The following KIF6 variants were observed in gnomAD, a reference collection of about 807,000 sequenced individuals.
KIF6 encodes kinesin family member 6, also known as kinesin-like protein KIF6.
Under a neutral mutation model 112.7 loss-of-function variants are expected in KIF6, and 106 were observed. The ratio of observed to expected loss-of-function variants is 0.94; its 90% CI spans 0.80 to 1.11. The LOEUF is 1.11. KIF6 is among the 50% of genes least tolerant of loss of function. The pLI is 0.00. For synonymous variants in KIF6, 339 were observed against 339.9 expected, an observed-to-expected ratio of 1.00 and a Z score of 0.03; for missense variants, 929 against 964.0, an observed-to-expected ratio of 0.96 and a Z score of 0.48.
chr6:39,634,448 A>G (rs1784518367), intron 5 of KIF6, among the ~76,000 whole-genome samples: 2 of 152,164 alleles, frequency 1.3e-5, no homozygotes, highest in African/African-American at 4.8e-5. Flanking sequence ...TCTCTGTCTC[A>G]GATTCTCTTA....
chr6:39,562,332 G>C (rs1355321611), intron 10 of KIF6, among the ~76,000 whole-genome samples: 3 of 152,088 alleles, frequency 2.0e-5, no homozygotes, highest in East Asian at 3.9e-4. Flanking sequence ...ATGAAAAGGG[G>C]GATACGTTTT....
chr6:39,339,494 T>C (rs1339760896), intron 22 of KIF6, among the ~76,000 whole-genome samples: 1 of 152,124 alleles, frequency 6.6e-6, no homozygotes, highest in Non-Finnish European at 1.5e-5. Context: ...TGAGTGGGGC[T>C]GGAGGGCTGG....
intron 11 of KIF6, 105 bp downstream of exon 11, chr6:39,545,478 G>T: frequency 1.5e-6 from 1 of 683,252 alleles, no homozygotes; most frequent in East Asian, 2.7e-5. Flanking sequence ...TTCTGGACAT[G>T]CAATGCTGGA....
chr6:39,552,168 C>G (rs11753942), intron 10 of KIF6, among the ~76,000 whole-genome samples: 3,408 of 152,228 alleles, frequency 0.022, 65 homozygotes, highest in Non-Finnish European at 0.033. Context: ...AAAGATGTAA[C>G]TGGAAATGTT....
intron 15 of KIF6, among the ~76,000 whole-genome samples, chr6:39,391,959 A>ATATG (rs1554206723): frequency 5.9e-5 from 9 of 151,358 alleles, no homozygotes; most frequent in Non-Finnish European, 1.2e-4. Context: ...ATATATATAT[A>ATATG]TGTGTGTGTG....
intron 15 of KIF6, among the ~76,000 whole-genome samples, chr6:39,401,864 C>T (rs1768733636): frequency 6.6e-6 from 1 of 152,132 alleles, no homozygotes; most frequent in Admixed American, 6.5e-5. Context: ...TAGTCTCTTA[C>T]AAACAAACCT....
chr6:39,613,829 G>T (rs1783352680), intron 5 of KIF6, among the ~76,000 whole-genome samples: 1 of 152,060 alleles, frequency 6.6e-6, no homozygotes, highest in Non-Finnish European at 1.5e-5. Flanking sequence ...TTCCCCTATT[G>T]AGTTTTCTCA....
chr6:39,473,530 T>C (rs1774257713), intron 13 of KIF6, among the ~76,000 whole-genome samples: 1 of 152,146 alleles, frequency 6.6e-6, no homozygotes, highest in Non-Finnish European at 1.5e-5. Flanking sequence ...AGAGACTAAA[T>C]GTTGTATAAT....
At chr6:39,347,297 C>G (rs1291079002) in intron 19 of KIF6, among the ~76,000 whole-genome samples, 1 of 152,184 alleles carries the variant, frequency 6.6e-6, no homozygotes, top group African/African-American at 2.4e-5. Context: ...CACACGCTGG[C>G]CTACCCCTGA....
chr6:39,360,687 A>G (rs1765063763), intron 17 of KIF6, among the ~76,000 whole-genome samples, 157 bp from the exon 18 acceptor site: 1 of 152,146 alleles, frequency 6.6e-6, no homozygotes, highest in Non-Finnish European at 1.5e-5. Flanking sequence ...AGGCCAGGCT[A>G]TGGCACCAGG....
intron 3 of KIF6, among the ~76,000 whole-genome samples, chr6:39,696,609 G>C (rs1788554954): frequency 6.6e-6 from 1 of 151,788 alleles, no homozygotes; most frequent in Non-Finnish European, 1.5e-5. Context: ...ACACCTCACA[G>C]ATTTCAACTA....
intron 15 of KIF6, among the ~76,000 whole-genome samples, chr6:39,415,335 G>T (rs1271997828): frequency 6.8e-6 from 1 of 146,180 alleles, no homozygotes; most frequent in Non-Finnish European, 1.5e-5. Flanking sequence ...AGGCCAAATG[G>T]GACGGTTAAA....
At chr6:39,710,978 G>A (rs148993646) in intron 3 of KIF6, among the ~76,000 whole-genome samples, 270 of 151,580 alleles carry the variant, frequency 1.8e-3, no homozygotes, top group African/African-American at 6.0e-3. Context: ...AGTGAGCTGT[G>A]ATCATGCCAC....
intron 5 of KIF6, among the ~76,000 whole-genome samples, chr6:39,615,896 C>A (rs1783491238): frequency 6.6e-6 from 1 of 152,104 alleles, no homozygotes; most frequent in Admixed American, 6.6e-5. Flanking sequence ...GTATACTAAG[C>A]CACACAACAT....
At position 39,652,441 on chromosome 6, in the gene KIF6, C is replaced by T. The variant is rs1201167192; in HGVS notation, c.252-12684G>A. Among the ~76,000 whole-genome samples the T allele has an allele frequency of 2.0e-5, 3 of 151,694 alleles. No homozygotes were observed. The South Asian group carries it at 6.3e-4, about 32-fold the overall frequency. On this transcript the variant is annotated intron_variant, in intron 3 of 22. Coordinates refer to ENST00000287152, the MANE Select transcript of KIF6 (RefSeq NM_145027.6). Reference sequence around the variant, plus strand: ...ACTCAGGAGGCTGAGGCAGGAAAATCGCTTGAACCTGGGAGGTGGAGGTTG... The same window carrying T: ...ACTCAGGAGGCTGAGGCAGGAAAATTGCTTGAACCTGGGAGGTGGAGGTTG...
intron 15 of KIF6, among the ~76,000 whole-genome samples, chr6:39,398,884 A>C (rs1404462545): frequency 6.6e-6 from 1 of 152,192 alleles, no homozygotes; most frequent in Non-Finnish European, 1.5e-5. Flanking sequence ...ACTAGTCTAG[A>C]GGTTGCTTTT....
At chr6:39,594,955 C>T (rs1224586638) in intron 7 of KIF6, among the ~76,000 whole-genome samples, 2 of 152,120 alleles carry the variant, frequency 1.3e-5, no homozygotes, top group Non-Finnish European at 2.9e-5. Context: ...ATTCAATCCA[C>T]TCATTTTAGA....
At chr6:39,375,667 A>G (rs889877003) in intron 16 of KIF6, among the ~76,000 whole-genome samples, 5 of 152,190 alleles carry the variant, frequency 3.3e-5, no homozygotes. Context: ...CCAGGCCTGC[A>G]GGATTGGACT....
At position 39,431,108 on chromosome 6, in the gene KIF6, T is replaced by G; in HGVS notation, c.1699A>C (p.Arg567=). 20 of 1,613,620 alleles carry G rather than the reference T, an allele frequency of 1.2e-5. No homozygotes were observed. Among genetic ancestry groups the G allele is most frequent in the Non-Finnish European group, 1.6e-5 (19 of 1,179,554 alleles). Residue 567 remains arginine, a synonymous_variant, in exon 14 of 23, where the codon AGG becomes CGG. Coordinates refer to ENST00000287152, the MANE Select transcript of KIF6 (RefSeq NM_145027.6). ...GCQEAFEIFK[R]DHADSVTIDD... is the part of the protein sequence containing the mutation. ...ATGGTAACGCTGTCAGCGTGGTCCC[T>G]CTTGAAGATTTCAAAAGCCTCCTGG...
Sources: gnomAD v4.1 joint callset for allele counts (sites outside exome capture counted in the v4.1 genomes callset) on GRCh38, gnomAD v4.1.1 for gene constraint, MANE v1.5 for transcripts, NCBI Gene and HGNC (gene_info 2026-07-23, HGNC 2026-07-21) for gene names.